Variants in FBXO24 observed in about 807,000 individuals in gnomAD.
The protein encoded by FBXO24 is F-box only protein 24.
Under a neutral mutation model 63.5 loss-of-function variants are expected in FBXO24, and 30 were observed. The ratio of observed to expected loss-of-function variants is 0.47; its 90% CI spans 0.35 to 0.64. The LOEUF (loss-of-function observed/expected upper bound fraction) is 0.64, where lower values mean the gene tolerates loss of function less well. FBXO24 is among the 30% of genes least tolerant of loss of function. The probability of loss-of-function intolerance (pLI) is 0.00; values close to 1 mark genes in which losing one functional copy is unlikely to be tolerated. For missense variants in FBXO24, 624 were observed against 763.4 expected, an observed-to-expected ratio of 0.82 and a Z score of 2.15; for synonymous variants, 300 against 305.0, an observed-to-expected ratio of 0.98 and a Z score of 0.17.
At position 100,600,469 on chromosome 7, in the gene FBXO24, G is replaced by A; in HGVS notation, c.1378-65G>A. 6.6e-7 allele frequency: 1 copy of A among 1,519,942 alleles called. No homozygotes were observed. 94.2% of individuals were successfully genotyped at this position (1,519,942 alleles called of 1,614,324 possible). A position where few individuals can be genotyped will look rare whatever the true frequency, so the allele number is the denominator to read the frequency against. ...GAATGCAATAGGCAGATTAGCCCGG[G>A]CACCCTGGGAAACCCTGCAAGGAAA... On this transcript the variant is annotated intron_variant, in intron 9 of 9. Transcript: ENST00000241071. This position sits in a 1 kb window ranked among gnomAD's most constrained non-coding sequence, Gnocchi z 6.3.
intron 8 of FBXO24, among the ~76,000 whole-genome samples, chr7:100,598,484 T>C (rs1015323756): frequency 2.0e-5 from 3 of 151,734 alleles, no homozygotes; most frequent in African/African-American, 4.8e-5. Context: ...AGTAATGTAA[T>C]AGAGAGAAAA....
chr7:100,594,044 C>T lies in FBXO24; in HGVS notation c.794-339C>T, dbSNP rs1178450194. Among the ~76,000 whole-genome samples, 2 of 152,128 alleles carry T rather than the reference C, an allele frequency of 1.3e-5. No individual in the cohort carries two copies. The highest frequency in any genetic ancestry group is 3.8e-4 in the East Asian group (2 of 5,196). On this transcript the variant is annotated intron_variant, in intron 5 of 9. Coordinates refer to ENST00000241071, the MANE Select transcript of FBXO24 (RefSeq NM_033506.3). This position sits in a 1 kb window ranked among gnomAD's most constrained non-coding sequence, Gnocchi z 4.2. ...TCAAGTGATCCTCCTGCCTTGGCCT[C>T]CCAAAGTGCTGGGATTACAGGTGTG...
In FBXO24 at chr7:100,595,672, CAG is replaced by C. The variant is rs1562820411; in HGVS notation, c.1173_1174del (p.Asp393GlnfsTer90). The stretch of plus-strand genomic sequence containing the variant: ...AATAACAGATACGGGCAGCTAGGAA[CAG>C]GGGACAAAATGGACCGAGGGGAACC... On this transcript the variant is annotated frameshift_variant, in exon 8 of 10. Transcript: ENST00000241071. LOFTEE classifies it high-confidence loss of function. 1.2e-6 allele frequency: 2 copies of C among 1,612,326 alleles called. No homozygotes were observed. The highest frequency in any genetic ancestry group is 1.1e-5 in the South Asian group (1 of 90,886).
Position 100,600,920 on chromosome 7 carries a change from T to A in FBXO24, c.*21T>A. ...CCTAATCCCCCTCATGCTAGCCTAG[T>A]CCCTGGAGGAGGGAGTCCGGCCCCA... On this transcript the variant is annotated 3_prime_UTR_variant, in exon 10 of 10. Transcript: ENST00000241071. This position sits in a 1 kb window ranked among gnomAD's most constrained non-coding sequence, Gnocchi z 6.3. 1 of 1,601,564 alleles carries A rather than the reference T, an allele frequency of 6.2e-7. No homozygotes were observed. Among genetic ancestry groups the A allele is most frequent in the Non-Finnish European group, 8.5e-7 (1 of 1,173,902 alleles).
rs569080521 is a variant in FBXO24, at chr7:100,586,640, G to T, written c.15G>T (p.Ala5=). The change falls in exon 1 of 10, where the codon GCG becomes GCT. Residue 5 remains alanine, a synonymous_variant. Transcript: ENST00000241071. ...CTACCAATAGCATGGGCGAGAAGGCGGTCCCTTTGCTAAGGAGGAGGCGGG... is the reference window on the plus strand; with the variant it reads ...CTACCAATAGCATGGGCGAGAAGGCTGTCCCTTTGCTAAGGAGGAGGCGGG... MGEK[A]VPLLRRRRVK... 1 of 1,614,214 alleles carries T rather than the reference G, an allele frequency of 6.2e-7. No homozygotes were observed. Among genetic ancestry groups the T allele is most frequent in the South Asian group, 1.1e-5 (1 of 91,088 alleles).
Position 100,595,085 on chromosome 7 carries a change from G to T in FBXO24, c.953-17G>T. On this transcript the variant is annotated splice_polypyrimidine_tract_variant and intron_variant, in intron 6 of 9. Coordinates refer to ENST00000241071, the MANE Select transcript of FBXO24 (RefSeq NM_033506.3). ...GGGTGCCCAAAGCTGCTGAGCTGAG[G>T]GCTCCTGACCCCCCAGACCAGGGGG... The T allele has an allele frequency of 6.2e-7, 1 of 1,613,498 alleles. No homozygotes were observed.
At chr7:100,593,360 G>A (rs914471667) in intron 5 of FBXO24, among the ~76,000 whole-genome samples, 10 of 152,034 alleles carry the variant, frequency 6.6e-5, no homozygotes, top group Admixed American at 3.3e-4. Flanking sequence ...GGTCGGGTGC[G>A]GCGGCTCACA....
rs779326533 is a variant in FBXO24 at position 100,600,500 on chromosome 7, A to C, written c.1378-34A>C. Reference sequence around the variant, plus strand: ...TGGGAAACCCTGCAAGGAAAGCACCACTCAGCCATGCCCCCTTTCTCTCCT... The same window carrying C: ...TGGGAAACCCTGCAAGGAAAGCACCCCTCAGCCATGCCCCCTTTCTCTCCT... On this transcript the variant is annotated intron_variant, in intron 9 of 9. Transcript: ENST00000241071. The surrounding 1 kb of genome is among the most constrained non-coding windows in gnomAD (Gnocchi z 6.3). The C allele has an allele frequency of 4.4e-5, 67 of 1,525,234 alleles. No individual in the cohort carries two copies. The highest frequency in any genetic ancestry group is 5.7e-5 in the Non-Finnish European group (65 of 1,137,890). 94.5% of individuals were successfully genotyped at this position (1,525,234 alleles called of 1,614,324 possible).
intron 1 of FBXO24, 186 bp from the exon 2 acceptor site, chr7:100,589,791 C>A: frequency 1.3e-6 from 2 of 1,524,450 alleles, no homozygotes; most frequent in East Asian, 2.5e-5. Flanking sequence ...GGAGGGGCTC[C>A]GGGTGAGGGG....
intron 1 of FBXO24, among the ~76,000 whole-genome samples, chr7:100,587,845 G>A (rs942261617): frequency 2.7e-5 from 4 of 147,138 alleles, no homozygotes; most frequent in African/African-American, 1.0e-4. Flanking sequence ...AAGCGATCCT[G>A]CCTCTGCCTC....
intron 8 of FBXO24, among the ~76,000 whole-genome samples, chr7:100,597,708 T>A (rs1802378175): frequency 6.6e-6 from 1 of 150,982 alleles, no homozygotes; most frequent in South Asian, 2.1e-4. Flanking sequence ...TTTATTTTTA[T>A]TATTACTTTT....
rs1274359772 is a variant in FBXO24 at position 100,595,698 on chromosome 7, C to A, written c.1198C>A (p.Pro400Thr). Reference sequence around the variant, plus strand: ...AGGGGACAAAATGGACCGAGGGGAACCCACACAGGTGAGACTATTTCCCAG... The same window carrying A: ...AGGGGACAAAATGGACCGAGGGGAAACCACACAGGTGAGACTATTTCCCAG... ...GTGDKMDRGEPTQVCYLQRPI... is the reference protein window; with the variant it reads ...GTGDKMDRGETTQVCYLQRPI... Residue 400 changes from proline to threonine, a missense_variant, in exon 8 of 10, where the codon CCC becomes ACC. Coordinates refer to ENST00000241071, the MANE Select transcript of FBXO24 (RefSeq NM_033506.3). 4.4e-6 allele frequency: 7 copies of A among 1,606,412 alleles called. No individual in the cohort carries two copies. Among genetic ancestry groups the A allele is most frequent in the Non-Finnish European group, 6.0e-6 (7 of 1,175,236 alleles).
chr7:100,598,406 AT>A (rs1223196366), intron 8 of FBXO24, among the ~76,000 whole-genome samples: 2 of 152,156 alleles, frequency 1.3e-5, no homozygotes, highest in African/African-American at 2.4e-5. Context: ...GCTCAGGAGA[AT>A]GAGGGGGCAG....
intron 3 of FBXO24, 121 bp from the exon 4 acceptor site, chr7:100,591,544 TCC>T: frequency 1.3e-6 from 1 of 793,138 alleles, no homozygotes; most frequent in Non-Finnish European, 2.1e-6. Context: ...GTCTGTTTGT[TCC>T]CCTGTCCTGG....
Position 100,600,069 on chromosome 7 carries a change from C to G in FBXO24, c.1245C>G (p.Gly415=). ...AGCGGCCCATCACCCTGTGGTGCGG[C>G]CTCAACCACTCCCTGGTGCTGAGCC... ...YLQRPITLWC[G]LNHSLVLSQS... is the part of the protein sequence containing the mutation. Residue 415 remains glycine, a synonymous_variant, in exon 9 of 10, where the codon GGC becomes GGG. Coordinates refer to ENST00000241071, the MANE Select transcript of FBXO24 (RefSeq NM_033506.3). The surrounding 1 kb of genome is among the most constrained non-coding windows in gnomAD (Gnocchi z 6.3). The G allele has an allele frequency of 6.2e-7, 1 of 1,610,664 alleles. No homozygotes were observed. Among genetic ancestry groups the G allele is most frequent in the Middle Eastern group, 2.1e-4 (1 of 4,716 alleles).
In FBXO24 at chr7:100,595,179, C is replaced by T. The variant is rs1286034272; in HGVS notation, c.1030C>T (p.Pro344Ser). The T allele has an allele frequency of 1.9e-6, 3 of 1,614,004 alleles. No individual in the cohort carries two copies. The highest frequency in any genetic ancestry group is 2.7e-5 in the African/African-American group (2 of 74,904). Reference protein sequence around the residue: ...DLFGTLQAFDPLDQQMPLALS... With the variant: ...DLFGTLQAFDSLDQQMPLALS... The stretch of plus-strand genomic sequence containing the variant: ...CTTTGGGACCCTTCAAGCCTTTGAC[C>T]CCCTGGACCAGCAGATGCCGCTTGC... The change falls in exon 7 of 10, where the codon CCC (proline) becomes TCC (serine). Residue 344 changes from proline to serine, a missense_variant. Around this residue, in one of 3 missense-constraint regions of FBXO24, gnomAD observed 391 missense variants for 469.1 expected, o/e 0.83. Transcript: ENST00000241071.
In FBXO24 at chr7:100,591,031, A is replaced by ATTT. The variant is rs930978218; in HGVS notation, c.323-614_323-612dup. Among the ~76,000 whole-genome samples, 639 of 86,636 alleles carry ATTT rather than the reference A, an allele frequency of 7.4e-3. 11 individuals carry two copies. The highest frequency in any genetic ancestry group is 0.012 in the East Asian group (35 of 3,028). The allele number at this position is 86,636 out of a possible 152,430, so 56.8% of individuals were successfully genotyped here. On this transcript the variant is annotated intron_variant, in intron 3 of 9. Coordinates refer to ENST00000241071, the MANE Select transcript of FBXO24 (RefSeq NM_033506.3). The stretch of plus-strand genomic sequence containing the variant: ...CTTCTCTTTTCTTTCTTTTTCTTTG[A>ATTT]TTTTTTTTTTTTTTTTTTTTTTTTG...
At chr7:100,588,287 T>C (rs1421310411) in intron 1 of FBXO24, among the ~76,000 whole-genome samples, 4 of 152,228 alleles carry the variant, frequency 2.6e-5, no homozygotes, top group Non-Finnish European at 5.9e-5. Flanking sequence ...TTCTGTCTAC[T>C]TGGAGATCTT....
At chr7:100,593,998 G>A (rs1288531823) in intron 5 of FBXO24, among the ~76,000 whole-genome samples, 1 of 151,862 alleles carries the variant, frequency 6.6e-6, no homozygotes, top group African/African-American at 2.4e-5. Context: ...TGTTGCCCAG[G>A]CTGGTCTCGA....
Sources: allele counts gnomAD v4.1 joint callset (sites outside exome capture counted in the v4.1 genomes callset), GRCh38; gene constraint gnomAD v4.1.1; regional missense constraint gnomAD v4.1.1; non-coding constraint Gnocchi (gnomAD v3.1); transcripts MANE v1.5; gene names NCBI Gene and HGNC (gene_info 2026-07-23, HGNC 2026-07-21).